The following SUSD4 variants were observed in gnomAD, a reference collection of about 807,000 sequenced individuals.
SUSD4 encodes the protein sushi domain-containing protein 4.
SUSD4 carries 41 observed loss-of-function variants against 50.5 expected under a neutral mutation model. The ratio of observed to expected loss-of-function variants is 0.81; its 90% confidence interval spans 0.63 to 1.05. The LOEUF is 1.05. Ranked by LOEUF, SUSD4 falls within the 50% of genes least tolerant of loss-of-function variation. SUSD4 has a pLI of 0.00. For synonymous variants in SUSD4, 257 were observed against 257.3 expected (o/e 1.00, Z 0.01); for missense variants, 580 against 634.7 (o/e 0.91, Z 0.93).
At chr1:223,237,130 T>C (rs1185156040) in intron 5 of SUSD4, among the ~76,000 whole-genome samples, 1 of 152,114 alleles carries the variant, frequency 6.6e-6, no homozygotes, top group African/African-American at 2.4e-5. Context: ...TATTGTGTTT[T>C]TAACTTCAAA....
Position 223,227,748 on chromosome 1 carries a change from G to A in SUSD4, c.917-10C>T, listed in dbSNP as rs1659614067. On this transcript the variant is annotated splice_polypyrimidine_tract_variant and intron_variant, in intron 6 of 8. Coordinates refer to ENST00000366878, the MANE Select transcript of SUSD4 (RefSeq NM_017982.4). The surrounding 1 kb of genome is among the most constrained non-coding windows in gnomAD (Gnocchi z 4.5). ...CTGGGCCACGTTTGCTCTGCATGAG[G>A]GAGAACAAAGCTGTACGTGAGGCTC... 6.2e-7 allele frequency: 1 copy of A among 1,606,122 alleles called. No individual in the cohort carries two copies. The highest frequency in any genetic ancestry group is 1.3e-5 in the African/African-American group (1 of 74,766).
At position 223,355,573 on chromosome 1, in the gene SUSD4, C is replaced by CCACATATGTATTTTATAAATGTA. The variant is rs1331606012; in HGVS notation, c.148+7682_148+7704dup. ...CCTCCTCCTGATTCACCCAATTCAA[C>CCACATATGTATTTTATAAATGTA]CACATATGTATTTTATAAATGTAAT... is the stretch of plus-strand genomic sequence containing the variant. On this transcript the variant is annotated intron_variant, in intron 2 of 8. Coordinates refer to ENST00000366878, the MANE Select transcript of SUSD4 (RefSeq NM_017982.4). Among the ~76,000 whole-genome samples the CCACATATGTATTTTATAAATGTA allele has an allele frequency of 3.3e-5, 5 of 152,132 alleles. 1 individual carries two copies. The highest frequency in any genetic ancestry group is 3.3e-4 in the Admixed American group (5 of 15,266).
chr1:223,279,014 G>A (rs982380114), intron 3 of SUSD4, among the ~76,000 whole-genome samples: 1 of 152,196 alleles, frequency 6.6e-6, no homozygotes, highest in Non-Finnish European at 1.5e-5. Flanking sequence ...GAAGGGTCCT[G>A]ACTGTTAGAA....
intron 3 of SUSD4, among the ~76,000 whole-genome samples, chr1:223,282,178 C>T (rs1441922383): frequency 2.6e-5 from 4 of 152,144 alleles, no homozygotes; most frequent in South Asian, 2.1e-4. Flanking sequence ...AAAACTGGCA[C>T]AAGACAGGGA....
chr1:223,352,696 A>T (rs1668433211), intron 2 of SUSD4, among the ~76,000 whole-genome samples: 1 of 152,162 alleles, frequency 6.6e-6, no homozygotes, highest in African/African-American at 2.4e-5. Flanking sequence ...CTACCTGCAA[A>T]GCTATAGAGG....
chr1:223,258,510 T>C (rs192411641), intron 5 of SUSD4, among the ~76,000 whole-genome samples: 4 of 150,798 alleles, frequency 2.7e-5, no homozygotes, highest in East Asian at 3.9e-4. Context: ...GGCTCTGAGA[T>C]GAATGGGGCT....
chr1:223,358,374 A>C (rs577098570), intron 2 of SUSD4, among the ~76,000 whole-genome samples: 6 of 152,300 alleles, frequency 3.9e-5, no homozygotes, highest in Admixed American at 2.6e-4. Flanking sequence ...AGTCAAGGGG[A>C]AGTCACACCA....
At chr1:223,343,308 C>T (rs1034938699) in intron 2 of SUSD4, among the ~76,000 whole-genome samples, 4 of 152,212 alleles carry the variant, frequency 2.6e-5, no homozygotes, top group Non-Finnish European at 4.4e-5. Flanking sequence ...CTTCTTCTCC[C>T]TCATAAGCTC....
At chr1:223,266,494 C>T (rs1662498480) in intron 4 of SUSD4, among the ~76,000 whole-genome samples, 1 of 152,170 alleles carries the variant, frequency 6.6e-6, no homozygotes, top group Non-Finnish European at 1.5e-5. Flanking sequence ...AATTGTAGTT[C>T]TAAACTACCC....
At chr1:223,279,586 T>G (rs529204193) in intron 3 of SUSD4, among the ~76,000 whole-genome samples, 1 of 152,182 alleles carries the variant, frequency 6.6e-6, no homozygotes, top group Non-Finnish European at 1.5e-5. Context: ...TAGGGGACTA[T>G]GTGCAAAGAC....
At position 223,221,002 on chromosome 1, in the gene SUSD4, G is replaced by T. The variant is rs1659111030; in HGVS notation, c.*1190C>A. Reference sequence around the variant, plus strand: ...CTCCACAGATCAACATGTATTTGAAGAGACACTTCAGGACACTTTGGGAAA... The same window carrying T: ...CTCCACAGATCAACATGTATTTGAATAGACACTTCAGGACACTTTGGGAAA... On this transcript the variant is annotated 3_prime_UTR_variant, in exon 9 of 9. Transcript: ENST00000366878. The T allele has an allele frequency of 1.2e-5, 5 of 400,710 alleles. No homozygotes were observed. The highest frequency in any genetic ancestry group is 2.2e-5 in the Non-Finnish European group (5 of 226,262). 24.8% of individuals were successfully genotyped at this position (400,710 alleles called of 1,614,324 possible).
intron 2 of SUSD4, among the ~76,000 whole-genome samples, chr1:223,362,114 G>A (rs1165370994): frequency 6.6e-6 from 1 of 152,166 alleles, no homozygotes; most frequent in East Asian, 1.9e-4. Flanking sequence ...AATTTTGATA[G>A]ATATGCACAT....
chr1:223,222,147 C>T lies in SUSD4; in HGVS notation c.*45G>A. 6.2e-7 allele frequency: 1 copy of T among 1,603,578 alleles called. No individual in the cohort carries two copies. The highest frequency in any genetic ancestry group is 8.5e-7 in the Non-Finnish European group (1 of 1,174,506). On this transcript the variant is annotated 3_prime_UTR_variant, in exon 9 of 9. Transcript: ENST00000366878. ...GTGACCTCACTCCAAGATACAAGGT[C>T]CTTTCCCCGAAGGAGCAGGAGAGTC...
chr1:223,297,578 A>G (rs1329621447), intron 2 of SUSD4, among the ~76,000 whole-genome samples: 1 of 152,168 alleles, frequency 6.6e-6, no homozygotes, highest in Non-Finnish European at 1.5e-5. Context: ...AGTTTTCCCA[A>G]TAACATGCTC....
chr1:223,272,643 C>T (rs1662995868), intron 3 of SUSD4, among the ~76,000 whole-genome samples: 1 of 152,136 alleles, frequency 6.6e-6, no homozygotes, highest in Admixed American at 6.5e-5. Flanking sequence ...TTAATACTCC[C>T]CCAAAACTGT....
intron 5 of SUSD4, among the ~76,000 whole-genome samples, chr1:223,233,494 T>C (rs1660022817): frequency 6.6e-6 from 1 of 152,188 alleles, no homozygotes; most frequent in Non-Finnish European, 1.5e-5. Flanking sequence ...GACTGAGTAC[T>C]GCTACTGTCT....
intron 2 of SUSD4, among the ~76,000 whole-genome samples, chr1:223,345,140 G>T (rs978527463): frequency 2.6e-5 from 4 of 152,198 alleles, no homozygotes; most frequent in Non-Finnish European, 4.4e-5. Flanking sequence ...TTACATTGAA[G>T]TGGTGCTCAC....
chr1:223,303,064 C>T (rs578147372), intron 2 of SUSD4, among the ~76,000 whole-genome samples: 1 of 152,298 alleles, frequency 6.6e-6, no homozygotes, highest in South Asian at 2.1e-4. Flanking sequence ...GGGAAGATCA[C>T]TTGAGCCCAG....
At chr1:223,350,460 G>C (rs754825801) in intron 2 of SUSD4, among the ~76,000 whole-genome samples, 3 of 152,138 alleles carry the variant, frequency 2.0e-5, no homozygotes, top group Non-Finnish European at 4.4e-5. Context: ...AATACTCCAG[G>C]TGCTGTCACT....
Sources: gnomAD v4.1 joint callset for allele counts (sites outside exome capture counted in the v4.1 genomes callset) on GRCh38, gnomAD v4.1.1 for gene constraint, Gnocchi (gnomAD v3.1) non-coding constraint, MANE v1.5 for transcripts, NCBI Gene and HGNC (gene_info 2026-07-23, HGNC 2026-07-21) for gene names.